KCNH7: variants seen among roughly 807,000 people sequenced by gnomAD.
KCNH7 encodes voltage-gated inwardly rectifying potassium channel KCNH7.
A neutral mutation model predicts 120.8 loss-of-function variants in KCNH7; 49 were observed. The observed-to-expected ratio is 0.41, with a 90% confidence interval of 0.32 to 0.51. The LOEUF (loss-of-function observed/expected upper bound fraction) is 0.51, where lower values mean the gene tolerates loss of function less well. Among genes scored for constraint, KCNH7 ranks in the 20% least tolerant of loss-of-function variants. The probability of loss-of-function intolerance (pLI) is 0.38; values close to 1 mark genes in which losing one functional copy is unlikely to be tolerated. For synonymous variants in KCNH7, 547 were observed against 516.1 expected (o/e 1.06, Z -0.81); for missense variants, 1,097 against 1,446.6 (o/e 0.76, Z 3.92).
chr2:162,651,209 TA>T (rs1209084053), intron 2 of KCNH7, among the ~76,000 whole-genome samples: 2 of 152,198 alleles, frequency 1.3e-5, no homozygotes, highest in Non-Finnish European at 2.9e-5. Flanking sequence ...AAACAGGATT[TA>T]AAAAATAAAA....
intron 2 of KCNH7, among the ~76,000 whole-genome samples, chr2:162,672,804 C>G (rs558333002): frequency 6.6e-6 from 1 of 151,762 alleles, no homozygotes; most frequent in Admixed American, 6.6e-5. Context: ...TAAAATAAAA[C>G]AATAAAATAG....
chr2:162,396,633 TAA>T (rs1686919117), intron 11 of KCNH7, 105 bp downstream of exon 11: 1 of 759,518 alleles, frequency 1.3e-6, no homozygotes, highest in Non-Finnish European at 2.1e-6. Context: ...TCAGAATTGG[TAA>T]AGTCTTGCTG....
At chr2:162,584,034 T>A (rs1249753857) in intron 2 of KCNH7, among the ~76,000 whole-genome samples, 1 of 152,142 alleles carries the variant, frequency 6.6e-6, no homozygotes, top group Non-Finnish European at 1.5e-5. Flanking sequence ...TAGTAAAATA[T>A]ATAGATAAAA....
At chr2:162,645,420 A>G (rs1327660964) in intron 2 of KCNH7, among the ~76,000 whole-genome samples, 1 of 152,188 alleles carries the variant, frequency 6.6e-6, no homozygotes, top group East Asian at 1.9e-4. Flanking sequence ...TGCTGGGATT[A>G]CAGGCATGAG....
At chr2:162,471,535 T>A (rs1404612635) in intron 6 of KCNH7, among the ~76,000 whole-genome samples, 1 of 152,106 alleles carries the variant, frequency 6.6e-6, no homozygotes, top group Non-Finnish European at 1.5e-5. Flanking sequence ...TTACAAGGGA[T>A]GTGAAGGACC....
intron 2 of KCNH7, among the ~76,000 whole-genome samples, chr2:162,822,837 T>G (rs1172306166): frequency 1.3e-5 from 2 of 152,200 alleles, no homozygotes; most frequent in Non-Finnish European, 2.9e-5. Context: ...TGCCTGTTGC[T>G]TCTAAAGGAG....
At position 162,604,881 on chromosome 2, in the gene KCNH7, A is replaced by G. The variant is rs562067349; in HGVS notation, c.308-67801T>C. Reference sequence around the variant, plus strand: ...AAAGCAAGAAAAGTCTATGTTCAAAAGAAGAAAGAAATATTAAAAACTGGA... The same window carrying G: ...AAAGCAAGAAAAGTCTATGTTCAAAGGAAGAAAGAAATATTAAAAACTGGA... On this transcript the variant is annotated intron_variant, in intron 2 of 15. Coordinates refer to ENST00000332142, the MANE Select transcript of KCNH7 (RefSeq NM_033272.4). Among the ~76,000 whole-genome samples the G allele has an allele frequency of 2.0e-5, 3 of 152,296 alleles. No individual in the cohort carries two copies. In the South Asian group the frequency reaches 6.2e-4, roughly 32 times the overall value.
chr2:162,585,393 A>G (rs948572279), intron 2 of KCNH7, among the ~76,000 whole-genome samples: 1 of 152,100 alleles, frequency 6.6e-6, no homozygotes, highest in African/African-American at 2.4e-5. Flanking sequence ...ATTTATTTGC[A>G]GAAAGCAACA....
chr2:162,458,928 C>T (rs1384721895), intron 6 of KCNH7, among the ~76,000 whole-genome samples: 2 of 151,348 alleles, frequency 1.3e-5, no homozygotes, highest in Non-Finnish European at 2.9e-5. Flanking sequence ...ATTGCTTGAG[C>T]CCAAGGAGGT....
intron 2 of KCNH7, among the ~76,000 whole-genome samples, chr2:162,833,787 C>T (rs1685558963): frequency 6.6e-6 from 1 of 152,088 alleles, no homozygotes; most frequent in Non-Finnish European, 1.5e-5. Flanking sequence ...TATAAAGCCT[C>T]TGGGCCACTT....
intron 2 of KCNH7, among the ~76,000 whole-genome samples, chr2:162,771,522 C>T (rs1365114866): frequency 6.6e-6 from 1 of 152,052 alleles, no homozygotes; most frequent in Non-Finnish European, 1.5e-5. Context: ...GGATTTGCAT[C>T]ATTCTTATTT....
intron 2 of KCNH7, among the ~76,000 whole-genome samples, chr2:162,635,071 T>A (rs1427802888): frequency 2.6e-5 from 4 of 151,774 alleles, no homozygotes; most frequent in African/African-American, 9.7e-5. Context: ...AATAGATACA[T>A]GTGGCTAGTA....
chr2:162,551,710 A>G (rs1271562238), intron 2 of KCNH7, among the ~76,000 whole-genome samples: 1 of 152,190 alleles, frequency 6.6e-6, no homozygotes, highest in Non-Finnish European at 1.5e-5. Context: ...AATATTACAA[A>G]TAAATCACCT....
chr2:162,538,084 C>T (rs1392247834), intron 2 of KCNH7: 1 of 151,968 alleles, frequency 6.6e-6, no homozygotes, highest in African/African-American at 2.4e-5. Flanking sequence ...TTTAAAATGC[C>T]AAAACTTCAG....
intron 2 of KCNH7, among the ~76,000 whole-genome samples, chr2:162,808,049 G>A (rs543016676): frequency 1.2e-4 from 18 of 152,142 alleles, no homozygotes; most frequent in Admixed American, 1.0e-3. Flanking sequence ...ACAGGGATTG[G>A]AGCCCCTATG....
intron 2 of KCNH7, among the ~76,000 whole-genome samples, chr2:162,752,943 GAAAAGA>G (rs1559116273): frequency 1.2e-4 from 12 of 98,950 alleles, no homozygotes; most frequent in Middle Eastern, 5.2e-3. Flanking sequence ...GAAAAGAAAA[GAAAAGA>G]AAAGAAAAGA....
At chr2:162,716,861 A>G (rs1249193750) in intron 2 of KCNH7, among the ~76,000 whole-genome samples, 1 of 152,130 alleles carries the variant, frequency 6.6e-6, no homozygotes, top group Non-Finnish European at 1.5e-5. Flanking sequence ...GTATTCTGTG[A>G]TTACAGCCAT....
At chr2:162,458,801 A>G (rs987809622) in intron 6 of KCNH7, among the ~76,000 whole-genome samples, 1 of 151,976 alleles carries the variant, frequency 6.6e-6, no homozygotes, top group African/African-American at 2.4e-5. Flanking sequence ...GGCAGTTAGA[A>G]GGTCTGAGCC....
At chr2:162,470,748 C>G (rs1689494935) in intron 6 of KCNH7, among the ~76,000 whole-genome samples, 1 of 152,206 alleles carries the variant, frequency 6.6e-6, no homozygotes, top group South Asian at 2.1e-4. Context: ...GGAGGTGTAC[C>G]CAACGGCTCA....
Sources: gnomAD v4.1 joint callset for allele counts (sites outside exome capture counted in the v4.1 genomes callset) on GRCh38, gnomAD v4.1.1 for gene constraint, MANE v1.5 for transcripts, NCBI Gene and HGNC (gene_info 2026-07-23, HGNC 2026-07-21) for gene names.